Variants in ADAMTS17 observed in about 807,000 individuals in gnomAD.
ADAMTS17 encodes ADAM metallopeptidase with thrombospondin type 1 motif 17.
In ADAMTS17, 113 loss-of-function variants were observed where a neutral mutation model predicts 141.5. That is an observed-to-expected ratio of 0.80 (90% CI 0.69 to 0.93). The LOEUF is 0.93. Ranked by LOEUF, ADAMTS17 falls within the 40% of genes least tolerant of loss-of-function variation. The probability of loss-of-function intolerance (pLI) is 0.00; values close to 1 mark genes in which losing one functional copy is unlikely to be tolerated. For synonymous variants in ADAMTS17, 768 were observed against 630.6 expected, an observed-to-expected ratio of 1.22 and a Z score of -3.27; for missense variants, 1,659 against 1,517.9, an observed-to-expected ratio of 1.09 and a Z score of -1.54.
chr15:99,993,085 G>A lies in ADAMTS17; in HGVS notation c.2912C>T (p.Ser971Leu), dbSNP rs764039545. 3.7e-6 allele frequency: 6 copies of A among 1,614,186 alleles called. No homozygotes were observed. Among genetic ancestry groups the A allele is most frequent in the Non-Finnish European group, 5.1e-6 (6 of 1,180,054 alleles). The change falls in exon 20 of 22, where the codon TCA becomes TTA. Residue 971 changes from serine to leucine, a missense_variant. Transcript: ENST00000268070. This position sits in a 1 kb window ranked among gnomAD's most constrained non-coding sequence, Gnocchi z 4.3. The stretch of plus-strand genomic sequence containing the variant: ...CCCAGTTTTCCACTCGTAGCAGCCT[G>A]AGTAGTCCTCGCAGGCCTCCTCGGC... ...PRAEEACEDY[S>L]GCYEWKTGDW...
chr15:100,056,304 G>C (rs917012782), intron 15 of ADAMTS17, among the ~76,000 whole-genome samples: 1 of 152,208 alleles, frequency 6.6e-6, no homozygotes, highest in Non-Finnish European at 1.5e-5. Context: ...TTAGGATCCA[G>C]TGTGGGCTGG....
intron 18 of ADAMTS17, among the ~76,000 whole-genome samples, chr15:100,016,360 A>G (rs1211048303): frequency 2.0e-5 from 3 of 152,068 alleles, no homozygotes; most frequent in Non-Finnish European, 4.4e-5. Flanking sequence ...ATATTTTTTC[A>G]GGTAAATCAG....
intron 7 of ADAMTS17, among the ~76,000 whole-genome samples, chr15:100,218,475 GA>G (rs2042035197): frequency 6.6e-6 from 1 of 152,110 alleles, no homozygotes; most frequent in Non-Finnish European, 1.5e-5. Context: ...ATAAGCATGG[GA>G]AAATATGTTC....
intron 3 of ADAMTS17, among the ~76,000 whole-genome samples, chr15:100,292,064 G>A (rs1192037975): frequency 7.5e-6 from 1 of 133,162 alleles, no homozygotes; most frequent in Non-Finnish European, 1.6e-5. Context: ...GGAGTCACGA[G>A]AGACGCTCAG....
At chr15:100,091,219 GTC>G (rs2035450314) in intron 15 of ADAMTS17, among the ~76,000 whole-genome samples, 3 of 151,684 alleles carry the variant, frequency 2.0e-5, no homozygotes, top group Admixed American at 1.3e-4. Context: ...GCACCCTGGC[GTC>G]TCTCAGGCCA....
rs76666581 is a variant in ADAMTS17 at position 100,329,734 on chromosome 15, T to C, written c.616+1155A>G. Among the ~76,000 whole-genome samples the C allele has an allele frequency of 1.7e-3, 256 of 152,296 alleles. 5 individuals are homozygous for C. In the East Asian group the frequency reaches 0.045, roughly 27 times the overall value. On this transcript the variant is annotated intron_variant, in intron 3 of 21. Transcript: ENST00000268070. ...CTCTTGAGGTTTCAGAGATGCCCTC[T>C]ATCCAGCACAATCACCTCTAATACT...
chr15:100,092,523 T>C (rs73476431), intron 15 of ADAMTS17, among the ~76,000 whole-genome samples: 235 of 152,328 alleles, frequency 1.5e-3, no homozygotes, highest in African/African-American at 5.4e-3. Context: ...TACGTTGTAA[T>C]TGGTTTATGT....
rs760236403 is a variant in ADAMTS17, at chr15:99,997,639, C to T, written c.2592-50G>A. On this transcript the variant is annotated intron_variant, in intron 18 of 21. Coordinates refer to ENST00000268070, the MANE Select transcript of ADAMTS17 (RefSeq NM_139057.4). This position sits in a 1 kb window ranked among gnomAD's most constrained non-coding sequence, Gnocchi z 4.7. The stretch of plus-strand genomic sequence containing the variant: ...GAGAACGACTGGGTGAGAGGCCAGC[C>T]TCTCCGGAGGGCCTTCCGGCCGGAT... 6.5e-5 allele frequency: 104 copies of T among 1,609,128 alleles called. No homozygotes were observed. Among genetic ancestry groups the T allele is most frequent in the Non-Finnish European group, 8.1e-5 (96 of 1,178,300 alleles).
At chr15:100,130,388 C>T (rs1044943107) in intron 12 of ADAMTS17, among the ~76,000 whole-genome samples, 1 of 151,846 alleles carries the variant, frequency 6.6e-6, no homozygotes, top group Non-Finnish European at 1.5e-5. Flanking sequence ...AAAGTCATTC[C>T]TAACAGACTA....
At chr15:100,141,463 A>G (rs56193483) in intron 10 of ADAMTS17, among the ~76,000 whole-genome samples, 39,433 of 152,086 alleles carry the variant, frequency 0.26, 5,567 homozygotes, top group East Asian at 0.35. Context: ...GCTGCTGATA[A>G]CACAAGCCAA....
chr15:100,240,664 GC>G (rs2141894743), intron 7 of ADAMTS17, among the ~76,000 whole-genome samples: 1 of 152,226 alleles, frequency 6.6e-6, no homozygotes, highest in East Asian at 1.9e-4. Context: ...CCCACAATCT[GC>G]CACCCAGAAC....
intron 7 of ADAMTS17, among the ~76,000 whole-genome samples, chr15:100,225,946 A>G (rs2042296199): frequency 7.1e-6 from 1 of 141,556 alleles, no homozygotes; most frequent in South Asian, 2.2e-4. Flanking sequence ...TGTGCCATTC[A>G]GTCCTTATAG....
intron 18 of ADAMTS17, among the ~76,000 whole-genome samples, chr15:100,042,582 T>C (rs564668405): frequency 6.6e-6 from 1 of 152,344 alleles, no homozygotes; most frequent in Non-Finnish European, 1.5e-5. Context: ...AGCTTCTTTT[T>C]AGTACATCTG....
At chr15:100,243,032 A>G (rs1321353980) in intron 7 of ADAMTS17, among the ~76,000 whole-genome samples, 1 of 152,188 alleles carries the variant, frequency 6.6e-6, no homozygotes, top group Non-Finnish European at 1.5e-5. Context: ...TTCTGTCTCC[A>G]TGAATCTGAC....
chr15:100,190,078 CT>C (rs996428690), intron 8 of ADAMTS17, among the ~76,000 whole-genome samples: 2 of 152,254 alleles, frequency 1.3e-5, no homozygotes, highest in African/African-American at 4.8e-5. Flanking sequence ...CCTCTCAACA[CT>C]GCAGAAGTGA....
chr15:100,251,927 T>G (rs1298837748), intron 7 of ADAMTS17, among the ~76,000 whole-genome samples: 2 of 152,178 alleles, frequency 1.3e-5, no homozygotes, highest in Non-Finnish European at 2.9e-5. Flanking sequence ...AGGCAAAGTC[T>G]GCCGACACCT....
At chr15:100,301,227 G>A (rs117267061) in intron 3 of ADAMTS17, among the ~76,000 whole-genome samples, 1,688 of 151,868 alleles carry the variant, frequency 0.011, 15 homozygotes, top group Non-Finnish European at 0.017. Context: ...TTTCAACTGG[G>A]GATTTTAACA....
chr15:100,018,976 G>T (rs1488999652), intron 18 of ADAMTS17, among the ~76,000 whole-genome samples: 1 of 152,170 alleles, frequency 6.6e-6, no homozygotes, highest in Non-Finnish European at 1.5e-5. Flanking sequence ...CACTTCTAGG[G>T]ATACAGTTTC....
intron 6 of ADAMTS17, among the ~76,000 whole-genome samples, chr15:100,260,879 G>A (rs1264020666): frequency 6.6e-6 from 1 of 152,072 alleles, no homozygotes; most frequent in Non-Finnish European, 1.5e-5. Context: ...AGTTATTTAG[G>A]AATATTTCTG....
Sources: allele counts gnomAD v4.1 joint callset (sites outside exome capture counted in the v4.1 genomes callset), GRCh38; gene constraint gnomAD v4.1.1; non-coding constraint Gnocchi (gnomAD v3.1); transcripts MANE v1.5; gene names NCBI Gene and HGNC (gene_info 2026-07-23, HGNC 2026-07-21).